The following CERS3 variants were observed in gnomAD, a reference collection of about 807,000 sequenced individuals.
CERS3 encodes ceramide synthase 3.
In CERS3, 33 loss-of-function variants were observed where a neutral mutation model predicts 50.3. The ratio of observed to expected loss-of-function variants is 0.66; its 90% CI spans 0.50 to 0.88. The LOEUF (loss-of-function observed/expected upper bound fraction) is 0.88, where lower values mean the gene tolerates loss of function less well. Among genes scored for constraint, CERS3 ranks in the 40% least tolerant of loss-of-function variants. The probability of loss-of-function intolerance (pLI) is 0.00; values close to 1 mark genes in which losing one functional copy is unlikely to be tolerated. For missense variants in CERS3, 470 were observed against 460.3 expected (o/e 1.02, Z -0.19); for synonymous variants, 176 against 155.2 (o/e 1.13, Z -0.99).
intron 4 of CERS3, among the ~76,000 whole-genome samples, chr15:100,488,250 T>C (rs1029427173): frequency 1.3e-5 from 2 of 152,234 alleles, no homozygotes; most frequent in African/African-American, 4.8e-5. Flanking sequence ...TGCATGGAAG[T>C]GTTTTGTTTT....
At chr15:100,473,114 G>A (rs929501220) in intron 8 of CERS3, 62 bp from the exon 9 acceptor site, 20 of 1,508,146 alleles carry the variant, frequency 1.3e-5, no homozygotes, top group Admixed American at 3.9e-5. Flanking sequence ...ATCACTGGAA[G>A]AGATAATCAT....
At chr15:100,466,737 T>C (rs923630599) in intron 10 of CERS3, among the ~76,000 whole-genome samples, 4 of 74,230 alleles carry the variant, frequency 5.4e-5, no homozygotes, top group African/African-American at 1.6e-4. Flanking sequence ...TCTTTCCTTC[T>C]TTCCTTCCTT....
intron 11 of CERS3, among the ~76,000 whole-genome samples, chr15:100,424,709 T>C (rs1331284616): frequency 1.3e-5 from 2 of 152,234 alleles, no homozygotes; most frequent in Non-Finnish European, 2.9e-5. Context: ...TATGCTCATC[T>C]GCATGAACCA....
chr15:100,464,970 A>C (rs888331577), intron 10 of CERS3, among the ~76,000 whole-genome samples: 1 of 152,168 alleles, frequency 6.6e-6, no homozygotes, highest in African/African-American at 2.4e-5. Flanking sequence ...GAGACTCGTT[A>C]GGAGAGTATG....
intron 5 of CERS3, among the ~76,000 whole-genome samples, chr15:100,480,800 C>T (rs572244182): frequency 1.1e-3 from 161 of 152,228 alleles, no homozygotes; most frequent in Non-Finnish European, 1.4e-3. Context: ...TGCTAAAATA[C>T]TTACAAATGA....
intron 3 of CERS3, among the ~76,000 whole-genome samples, chr15:100,499,934 C>T (rs944074569): frequency 4.2e-4 from 64 of 152,282 alleles, no homozygotes; most frequent in African/African-American, 1.5e-3. Flanking sequence ...AACTGTGTGA[C>T]CTTGGCCAGG....
At chr15:100,504,223 T>C (rs937306402) in intron 2 of CERS3, among the ~76,000 whole-genome samples, 1 of 148,272 alleles carries the variant, frequency 6.7e-6, no homozygotes, top group African/African-American at 2.5e-5. Context: ...AAAGGCTGCC[T>C]TTTCCTTGGA....
chr15:100,405,850 G>A (rs1264666330), intron 11 of CERS3, among the ~76,000 whole-genome samples: 1 of 152,156 alleles, frequency 6.6e-6, no homozygotes, highest in East Asian at 1.9e-4. Context: ...AACTTATAAG[G>A]ATTTCTTTTT....
chr15:100,502,583 A>T (rs1328080589), intron 2 of CERS3, among the ~76,000 whole-genome samples: 1 of 152,228 alleles, frequency 6.6e-6, no homozygotes, highest in Non-Finnish European at 1.5e-5. Flanking sequence ...TACCCTAAAA[A>T]ATTCCCCAGG....
intron 4 of CERS3, among the ~76,000 whole-genome samples, chr15:100,485,279 A>G (rs947861347): frequency 2.6e-5 from 4 of 152,270 alleles, no homozygotes; most frequent in African/African-American, 9.6e-5. Context: ...AATAACAAAA[A>G]TAACAATTGC....
At chr15:100,402,990 A>G (rs1039883843) in intron 11 of CERS3, 125 bp from the exon 12 acceptor site, 108 of 890,054 alleles carry the variant, frequency 1.2e-4, no homozygotes, top group Non-Finnish European at 1.6e-4. Context: ...ATAACTAAAC[A>G]TTCACCAAGA....
intron 11 of CERS3, among the ~76,000 whole-genome samples, chr15:100,416,741 C>T (rs2031943347): frequency 6.6e-6 from 1 of 152,160 alleles, no homozygotes; most frequent in South Asian, 2.1e-4. Flanking sequence ...AATCACTTCC[C>T]AACTGGTCCC....
At chr15:100,540,180 C>T (rs544738165) in intron 1 of CERS3, among the ~76,000 whole-genome samples, 4 of 152,336 alleles carry the variant, frequency 2.6e-5, no homozygotes, top group Middle Eastern at 3.4e-3. Context: ...CTGACCTTGG[C>T]TCAGGCCCCA....
chr15:100,525,133 CAT>C (rs1279994644), intron 1 of CERS3, among the ~76,000 whole-genome samples: 13 of 152,278 alleles, frequency 8.5e-5, no homozygotes, highest in African/African-American at 3.1e-4. Context: ...CACATACACA[CAT>C]GTGTATGAAT....
At chr15:100,469,627 TAAAAC>T (rs935072076) in intron 9 of CERS3, 143 bp from the exon 10 acceptor site, 1 of 611,188 alleles carries the variant, frequency 1.6e-6, no homozygotes, top group African/African-American at 1.9e-5. Flanking sequence ...GGGCAATAGA[TAAAAC>T]AAGACTGGCC....
intron 11 of CERS3, among the ~76,000 whole-genome samples, chr15:100,454,123 C>T (rs1387658342): frequency 6.6e-6 from 1 of 152,094 alleles, no homozygotes; most frequent in African/African-American, 2.4e-5. Flanking sequence ...AGGCATAGTG[C>T]CTCACACCTG....
chr15:100,456,180 G>A, intron 10 of CERS3, 134 bp from the exon 11 acceptor site: 1 of 533,600 alleles, frequency 1.9e-6, no homozygotes, highest in Non-Finnish European at 3.1e-6. Flanking sequence ...ATTATCAAAA[G>A]AAAAGATACG....
At position 100,400,821 on chromosome 15, in the gene CERS3, T is replaced by A. The variant is rs1255129529; in HGVS notation, c.*1892A>T. 1 of 151,950 alleles carries A rather than the reference T, an allele frequency of 6.6e-6. No homozygotes were observed. The highest frequency in any genetic ancestry group is 1.5e-5 in the Non-Finnish European group (1 of 67,992). The allele number at this position is 151,950 out of a possible 1,614,324, so 9.4% of individuals were successfully genotyped here. A position where few individuals can be genotyped will look rare whatever the true frequency, so the allele number is the denominator to read the frequency against. On this transcript the variant is annotated 3_prime_UTR_variant, in exon 12 of 12. Transcript: ENST00000679737. ...CCTTCTTCCAGCAAAATAATAATAA[T>A]ATAATATTAATAATAAGTCAATAGC...
chr15:100,456,944 G>A (rs1394614074), intron 10 of CERS3, among the ~76,000 whole-genome samples: 13 of 135,970 alleles, frequency 9.6e-5, no homozygotes, highest in East Asian at 2.2e-4. Context: ...AAGATTCCGT[G>A]AAAAAAAAAA....
Sources: allele counts gnomAD v4.1 joint callset (sites outside exome capture counted in the v4.1 genomes callset), GRCh38; gene constraint gnomAD v4.1.1; transcripts MANE v1.5; gene names NCBI Gene and HGNC (gene_info 2026-07-23, HGNC 2026-07-21).